Variants in ANO6 observed in about 807,000 individuals in gnomAD.
ANO6 encodes anoctamin-6.
In ANO6, 106 loss-of-function variants were observed where a neutral mutation model predicts 117.5. The observed-to-expected ratio is 0.90, with a 90% CI of 0.77 to 1.06. The LOEUF is 1.06. ANO6 is among the 50% of genes least tolerant of loss of function. The probability of loss-of-function intolerance (pLI) is 0.00; values close to 1 mark genes in which losing one functional copy is unlikely to be tolerated. For synonymous variants in ANO6, 367 were observed against 385.1 expected (o/e 0.95, Z 0.55); for missense variants, 955 against 1,121.1 (o/e 0.85, Z 2.12).
chr12:45,322,113 T>C (rs1319282499), intron 2 of ANO6, among the ~76,000 whole-genome samples: 1 of 152,128 alleles, frequency 6.6e-6, no homozygotes, highest in Non-Finnish European at 1.5e-5. Flanking sequence ...TAACATCTAG[T>C]ATTATTATGA....
intron 18 of ANO6, 52 bp from the exon 19 acceptor site, chr12:45,422,905 A>G: frequency 2.3e-6 from 3 of 1,330,972 alleles, no homozygotes; most frequent in Non-Finnish European, 3.3e-6. Flanking sequence ...CTTTGTTTAC[A>G]GTATTCAGTC....
intron 16 of ANO6, among the ~76,000 whole-genome samples, chr12:45,410,568 G>A (rs1461616880): frequency 1.3e-5 from 2 of 152,144 alleles, no homozygotes; most frequent in African/African-American, 4.8e-5. Context: ...ATATCTAATA[G>A]ATGGCTAACA....
At chr12:45,263,211 G>A (rs1475703294) in intron 1 of ANO6, among the ~76,000 whole-genome samples, 1 of 151,748 alleles carries the variant, frequency 6.6e-6, no homozygotes, top group South Asian at 2.1e-4. Flanking sequence ...GGTACAAGAT[G>A]TTCTATTTTT....
chr12:45,339,151 A>T (rs1460550361), intron 3 of ANO6, among the ~76,000 whole-genome samples: 2 of 152,136 alleles, frequency 1.3e-5, no homozygotes, highest in Non-Finnish European at 2.9e-5. Context: ...GCACTTGTAC[A>T]TGCATATATG....
At chr12:45,278,995 G>C (rs1050639518) in intron 1 of ANO6, among the ~76,000 whole-genome samples, 2 of 152,170 alleles carry the variant, frequency 1.3e-5, no homozygotes, top group African/African-American at 4.8e-5. Context: ...TCAACATTCA[G>C]CAGTAATCTT....
intron 1 of ANO6, among the ~76,000 whole-genome samples, chr12:45,250,187 T>A (rs1391099696): frequency 6.6e-6 from 1 of 152,216 alleles, no homozygotes; most frequent in African/African-American, 2.4e-5. Flanking sequence ...CAGCGGCGTT[T>A]ACCTGAAGAT....
chr12:45,280,881 G>A (rs10625595), intron 1 of ANO6, among the ~76,000 whole-genome samples: 1 of 81,408 alleles, frequency 1.2e-5, no homozygotes. Context: ...TATATATATA[G>A]AGAGAGAGAG....
intron 3 of ANO6, among the ~76,000 whole-genome samples, chr12:45,337,928 A>C (rs1336426168): frequency 6.6e-6 from 1 of 151,976 alleles, no homozygotes; most frequent in Non-Finnish European, 1.5e-5. Context: ...GTTAGGAGGG[A>C]AGTGGAAAAA....
chr12:45,261,784 A>G (rs1938043569), intron 1 of ANO6, among the ~76,000 whole-genome samples: 1 of 152,242 alleles, frequency 6.6e-6, no homozygotes, highest in African/African-American at 2.4e-5. Context: ...TAAAACAACC[A>G]TCAGTTGCTG....
At position 45,302,240 on chromosome 12, in the gene ANO6, C is replaced by T. The variant is rs1404033151; in HGVS notation, c.150+147C>T. On this transcript the variant is annotated intron_variant, in intron 2 of 19. Transcript: ENST00000320560. Reference sequence around the variant, plus strand: ...TTGCAGGGACTGTGCGTTCAGAGCTCTGGTGTCTCTTGGGAATAGGTTGCT... The same window carrying T: ...TTGCAGGGACTGTGCGTTCAGAGCTTTGGTGTCTCTTGGGAATAGGTTGCT... 4 of 740,030 alleles carry T rather than the reference C, an allele frequency of 5.4e-6. No individual in the cohort carries two copies. In the East Asian group the frequency reaches 1.1e-4, roughly 20 times the overall value. The allele number at this position is 740,030 out of a possible 1,614,324, so 45.8% of individuals were successfully genotyped here.
chr12:45,337,466 G>A (rs942942354), intron 3 of ANO6, among the ~76,000 whole-genome samples: 4 of 151,996 alleles, frequency 2.6e-5, no homozygotes, highest in African/African-American at 7.2e-5. Context: ...ATGTTCATAT[G>A]TACACTCTAT....
chr12:45,417,323 G>C (rs1286259872), intron 17 of ANO6, among the ~76,000 whole-genome samples: 1 of 152,124 alleles, frequency 6.6e-6, no homozygotes, highest in African/African-American at 2.4e-5. Context: ...ATATTCCAAA[G>C]CATCACCCTA....
At chr12:45,418,342 T>C (rs1336453221) in intron 17 of ANO6, among the ~76,000 whole-genome samples, 1 of 152,094 alleles carries the variant, frequency 6.6e-6, no homozygotes, top group Non-Finnish European at 1.5e-5. Flanking sequence ...ACTACTGGGG[T>C]ATGTCAGTTT....
At chr12:45,270,334 T>C (rs1312410639) in intron 1 of ANO6, 3 of 1,259,828 alleles carry the variant, frequency 2.4e-6, no homozygotes, top group East Asian at 3.1e-5. Context: ...AATGGTCAAA[T>C]GGCTTGTACG....
chr12:45,304,185 G>A (rs1374439550), intron 2 of ANO6, among the ~76,000 whole-genome samples: 2 of 152,168 alleles, frequency 1.3e-5, no homozygotes, highest in Non-Finnish European at 2.9e-5. Flanking sequence ...ATAAACTGCT[G>A]TCTCCATGGT....
At chr12:45,400,976 C>T (rs1299352263) in intron 12 of ANO6, among the ~76,000 whole-genome samples, 2 of 152,162 alleles carry the variant, frequency 1.3e-5, no homozygotes, top group African/African-American at 4.8e-5. Flanking sequence ...CTTTAATGTG[C>T]GTCGTTGAGT....
chr12:45,216,990 A>G (rs1422081121), intron 1 of ANO6, among the ~76,000 whole-genome samples: 1 of 152,194 alleles, frequency 6.6e-6, no homozygotes, highest in Admixed American at 6.5e-5. Flanking sequence ...TCCCCCAGGC[A>G]GGGAGGACCG....
Position 45,403,109 on chromosome 12 carries a change from C to G in ANO6, c.1650C>G (p.Leu550=), listed in dbSNP as rs200199011. ...PRTQTDYENS[L]TMKMFLFQFV... ...CCCAGACTGATTATGAGAACAGCCT[C>G]ACCATGAAGATGTTCTTATTCCAGT... The change falls in exon 14 of 20, where the codon CTC becomes CTG. Residue 550 remains leucine (L), a synonymous_variant. Transcript: ENST00000320560. 2.4e-4 allele frequency: 391 copies of G among 1,613,928 alleles called. 1 individual carries two copies. Among genetic ancestry groups the G allele is most frequent in the South Asian group, 6.4e-4 (58 of 91,084 alleles).
intron 2 of ANO6, among the ~76,000 whole-genome samples, chr12:45,327,406 G>A (rs1249547095): frequency 6.6e-6 from 1 of 152,142 alleles, no homozygotes; most frequent in Non-Finnish European, 1.5e-5. Context: ...TTTTAAAAAG[G>A]CTGTGCCACT....
Sources: allele counts gnomAD v4.1 joint callset (sites outside exome capture counted in the v4.1 genomes callset), GRCh38; gene constraint gnomAD v4.1.1; transcripts MANE v1.5; gene names NCBI Gene and HGNC (gene_info 2026-07-23, HGNC 2026-07-21).